Variants in CHD7 observed in about 807,000 individuals in gnomAD.
CHD7 encodes chromodomain helicase DNA binding protein 7.
Under a neutral mutation model 307.3 loss-of-function variants are expected in CHD7, and 24 were observed. The ratio of observed to expected loss-of-function variants is 0.08; its 90% confidence interval spans 0.06 to 0.11. The LOEUF is 0.11. CHD7 is among the 10% of genes least tolerant of loss of function. CHD7 has a pLI of 1.00. For missense variants in CHD7, 3,106 were observed against 3,727.1 expected (o/e 0.83, Z 4.34); for synonymous variants, 1,363 against 1,349.9 (o/e 1.01, Z -0.21).
At chr8:60,853,927 TA>T (rs1204679394) in intron 31 of CHD7, among the ~76,000 whole-genome samples, 1 of 152,212 alleles carries the variant, frequency 6.6e-6, no homozygotes, top group African/African-American at 2.4e-5. Context: ...AATCTAAAAA[TA>T]ACCAATTTTT....
intron 19 of CHD7, among the ~76,000 whole-genome samples, chr8:60,841,373 G>A (rs1804965750): frequency 6.6e-6 from 1 of 152,202 alleles, no homozygotes; most frequent in South Asian, 2.1e-4. Flanking sequence ...CCTGAACCAG[G>A]TTAGGGGCCC....
chr8:60,852,775 T>C (rs1157568598), intron 30 of CHD7, 54 bp from the exon 31 acceptor site: 53 of 1,609,178 alleles, frequency 3.3e-5, no homozygotes, highest in East Asian at 4.5e-5. Flanking sequence ...AAGTGTACAA[T>C]GTAGAATGCC....
At position 60,844,957 on chromosome 8, in the gene CHD7, G is replaced by A. The variant is rs1185607495; in HGVS notation, c.4944G>A (p.Val1648=). ...AAACCATCTGCAGAACCATCCTGGT[G>A]TACTGTCTTAATCATTACAAAGGGG... ...DVETICRTIL[V]YCLNHYKGDE... The change falls in exon 22 of 38, where the codon GTG becomes GTA. Residue 1648 remains valine (V), a synonymous_variant. Coordinates refer to ENST00000423902, the MANE Select transcript of CHD7 (RefSeq NM_017780.4). 6.2e-7 allele frequency: 1 copy of A among 1,613,986 alleles called. No homozygotes were observed. The highest frequency in any genetic ancestry group is 8.5e-7 in the Non-Finnish European group (1 of 1,179,868).
chr8:60,845,875 A>G (rs563217323), intron 23 of CHD7, among the ~76,000 whole-genome samples: 1 of 152,372 alleles, frequency 6.6e-6, no homozygotes, highest in East Asian at 1.9e-4. Context: ...TCAATTAAAC[A>G]GTAACTTGCC....
intron 15 of CHD7, among the ~76,000 whole-genome samples, chr8:60,833,978 GGCTGCCAGTTGTAA>G (rs1353790565): frequency 3.3e-5 from 5 of 152,202 alleles, no homozygotes; most frequent in African/African-American, 1.2e-4. Flanking sequence ...AGTACAAACT[GGCTGCCAGTTGTAA>G]GAACCTGAAT....
chr8:60,798,701 A>C (rs1306754242), intron 4 of CHD7, among the ~76,000 whole-genome samples: 1 of 152,162 alleles, frequency 6.6e-6, no homozygotes, highest in Admixed American at 6.5e-5. Context: ...CTTAGAAAAA[A>C]TTTTGTGTCA....
chr8:60,852,372 A>G (rs976084484), intron 29 of CHD7, 125 bp downstream of exon 29: 2 of 1,280,674 alleles, frequency 1.6e-6, no homozygotes, highest in Non-Finnish European at 2.2e-6. Context: ...CGCTCCAACA[A>G]AGCAGTCTGT....
At chr8:60,800,923 GTA>G in intron 5 of CHD7, among the ~76,000 whole-genome samples, 1 of 152,256 alleles carries the variant, frequency 6.6e-6, no homozygotes. Context: ...TTACTGCCTT[GTA>G]GTACCCAGCA....
chr8:60,864,279 C>G (rs988716572), intron 37 of CHD7: 5 of 149,280 alleles, frequency 3.3e-5, no homozygotes, highest in African/African-American at 1.3e-4. Context: ...GCCACCACAC[C>G]TGGATATTTT....
At chr8:60,788,850 T>A (rs988073058) in intron 3 of CHD7, among the ~76,000 whole-genome samples, 1 of 152,248 alleles carries the variant, frequency 6.6e-6, no homozygotes, top group Non-Finnish European at 1.5e-5. Flanking sequence ...ATTAGTTTAT[T>A]CTGTTGTCCG....
chr8:60,857,037 C>T, intron 34 of CHD7, 149 bp downstream of exon 34: 3 of 671,632 alleles, frequency 4.5e-6, no homozygotes, highest in South Asian at 2.6e-5. Flanking sequence ...AATAAACAGT[C>T]ATGATTCTGA....
rs946729340 is a variant in CHD7 at position 60,741,797 on chromosome 8, A to G, written c.365A>G (p.Gln122Arg). Residue 122 changes from glutamine to arginine, a missense_variant, in exon 2 of 38, where the codon CAG (glutamine) becomes CGG (arginine). Around this residue, in one of 10 missense-constraint regions of CHD7, gnomAD observed 998 missense variants for 1,004.5 expected, o/e 0.99. Transcript: ENST00000423902. ...CCCCATGGTGGCAGTGGTGGCGGTC[A>G]GATGGGTGTCTACCCTGGCATGCAG... ...QVPHGGSGGG[Q>R]MGVYPGMQNE... 2.5e-6 allele frequency: 4 copies of G among 1,613,964 alleles called. No homozygotes were observed. The highest frequency in any genetic ancestry group is 3.4e-6 in the Non-Finnish European group (4 of 1,179,868).
At chr8:60,860,853 C>G in intron 34 of CHD7, 51 bp from the exon 35 acceptor site, 1 of 1,363,300 alleles carries the variant, frequency 7.3e-7, no homozygotes, top group Non-Finnish European at 1.0e-6. Flanking sequence ...AGGACATTGT[C>G]AGAGGCTCTC....
intron 13 of CHD7, chr8:60,824,846 T>C (rs1804195511): frequency 6.6e-6 from 1 of 151,960 alleles, no homozygotes; most frequent in Non-Finnish European, 1.5e-5. Context: ...ATCGTAGGAG[T>C]AGAAGGATTT....
rs1203117062 is a variant in CHD7 at position 60,852,178 on chromosome 8, G to A, written c.5825G>A (p.Arg1942Gln). 4.3e-6 allele frequency: 7 copies of A among 1,613,888 alleles called. No homozygotes were observed. Among genetic ancestry groups the A allele is most frequent in the South Asian group, 3.3e-5 (3 of 91,080 alleles). ...CTAATGAAGACTGACCGGCGCAGACGGCGGCCTCGAGAGGAAGTGAGAGCT... is the reference window on the plus strand; with the variant it reads ...CTAATGAAGACTGACCGGCGCAGACAGCGGCCTCGAGAGGAAGTGAGAGCT... Reference protein sequence around the residue: ...EALMKTDRRRRRPREEVRALE... With the variant: ...EALMKTDRRRQRPREEVRALE... The change falls in exon 29 of 38, where the codon CGG (arginine) becomes CAG (glutamine). Residue 1942 changes from arginine to glutamine, a missense_variant. Arg to Gln is a conservative substitution (Grantham distance 43, BLOSUM62 1). Around this residue, in one of 10 missense-constraint regions of CHD7, gnomAD observed 1,030 missense variants for 1,165.4 expected, o/e 0.88. Coordinates refer to ENST00000423902, the MANE Select transcript of CHD7 (RefSeq NM_017780.4).
intron 6 of CHD7, among the ~76,000 whole-genome samples, chr8:60,807,186 C>T (rs7840098): frequency 0.78 from 118,130 of 152,182 alleles, 46,094 homozygotes; most frequent in East Asian, 0.94. Context: ...AGCCTTTGCT[C>T]TTTTGTTTGT....
intron 1 of CHD7, among the ~76,000 whole-genome samples, chr8:60,714,406 G>GCCCCCCCCCCCCCCCCCCCCCCCCCC (rs71245516): frequency 1.7e-4 from 3 of 17,622 alleles, no homozygotes; most frequent in African/African-American, 3.8e-4. Context: ...CCGGGAGAAG[G>GCCCCCCCCCCCCCCCCCCCCCCCCCC]CCCCCCCCCC....
rs1806182192 is a variant in CHD7 at position 60,691,290 on chromosome 8, T to A, written c.-175+12208T>A. ...GTCTTTATTTGGCAAACCTGTAACA[T>A]GACTCTTTACTTCTTTATAACACTG... On this transcript the variant is annotated intron_variant, in intron 1 of 37. Coordinates refer to ENST00000423902, the MANE Select transcript of CHD7 (RefSeq NM_017780.4). Among the ~76,000 whole-genome samples the A allele has an allele frequency of 2.6e-5, 4 of 152,334 alleles. No individual in the cohort carries two copies. In the South Asian group the frequency reaches 8.3e-4, roughly 32 times the overall value.
intron 1 of CHD7, among the ~76,000 whole-genome samples, chr8:60,687,456 A>T (rs1205829161): frequency 6.6e-6 from 1 of 152,196 alleles, no homozygotes; most frequent in Non-Finnish European, 1.5e-5. Context: ...GTTCTTGTAT[A>T]CTTGGCCTTG....
Sources: allele counts gnomAD v4.1 joint callset (sites outside exome capture counted in the v4.1 genomes callset), GRCh38; gene constraint gnomAD v4.1.1; regional missense constraint gnomAD v4.1.1; transcripts MANE v1.5; gene names NCBI Gene and HGNC (gene_info 2026-07-23, HGNC 2026-07-21).